Variants in MORF4L1 observed in about 807,000 individuals in gnomAD.
The protein encoded by MORF4L1 is mortality factor 4 like 1, also known as mortality factor 4-like protein 1.
Under a neutral mutation model 52.9 loss-of-function variants are expected in MORF4L1, and 4 were observed. The observed-to-expected ratio is 0.08, with a 90% CI of 0.04 to 0.17. MORF4L1 has a LOEUF of 0.17. Among genes scored for constraint, MORF4L1 ranks in the 10% least tolerant of loss-of-function variants. The pLI is 1.00. For synonymous variants in MORF4L1, 123 were observed against 134.8 expected (o/e 0.91, Z 0.61); for missense variants, 214 against 390.4 (o/e 0.55, Z 3.81).
At chr15:78,882,071 T>A (rs1230968826) in intron 3 of MORF4L1, among the ~76,000 whole-genome samples, 1 of 152,230 alleles carries the variant, frequency 6.6e-6, no homozygotes, top group African/African-American at 2.4e-5. Context: ...TTACTTCCAT[T>A]AATATAAATG....
intron 2 of MORF4L1, among the ~76,000 whole-genome samples, chr15:78,879,649 C>A (rs957353522): frequency 1.3e-5 from 2 of 152,006 alleles, no homozygotes; most frequent in Non-Finnish European, 2.9e-5. Flanking sequence ...TAAATTACGA[C>A]TCATGGCCAG....
chr15:78,891,511 C>G lies in MORF4L1; in HGVS notation c.377C>G (p.Thr126Ser). 1.9e-6 allele frequency: 3 copies of G among 1,614,056 alleles called. No homozygotes were observed. The highest frequency in any genetic ancestry group is 1.7e-6 in the Non-Finnish European group (2 of 1,179,972). The change falls in exon 7 of 12, where the codon ACC becomes AGC. Residue 126 changes from threonine to serine, a missense_variant. Physicochemically the swap from Thr to Ser is moderately conservative, Grantham distance 58. Coordinates refer to ENST00000426013, the MANE Select transcript of MORF4L1 (RefSeq NM_006791.4). ...KTPGNGDGGSTSETPQPPRKK... is the reference protein window; with the variant it reads ...KTPGNGDGGSSSETPQPPRKK... Reference sequence around the variant, plus strand: ...CCTGGAAATGGAGATGGTGGCAGTACCAGTGAGACCCCTCAGCCTCCTCGG... The same window carrying G: ...CCTGGAAATGGAGATGGTGGCAGTAGCAGTGAGACCCCTCAGCCTCCTCGG...
intron 3 of MORF4L1, 21 bp downstream of exon 3, chr15:78,880,600 T>A (rs2056583631): frequency 1.3e-6 from 2 of 1,516,364 alleles, no homozygotes; most frequent in East Asian, 4.6e-5. Flanking sequence ...GATCTTACAA[T>A]TCTATTTGTA....
At chr15:78,879,599 A>G (rs118145692) in intron 2 of MORF4L1, among the ~76,000 whole-genome samples, 2,217 of 152,250 alleles carry the variant, frequency 0.015, 29 homozygotes, top group Non-Finnish European at 0.023. Context: ...AAGTATATGT[A>G]TACGTACATA....
At chr15:78,887,975 C>G (rs1333201396) in intron 5 of MORF4L1, among the ~76,000 whole-genome samples, 2 of 152,194 alleles carry the variant, frequency 1.3e-5, no homozygotes, top group Non-Finnish European at 2.9e-5. Context: ...GATGGAGTTT[C>G]ACCATGTTGG....
chr15:78,881,964 T>C (rs1245281448), intron 3 of MORF4L1, among the ~76,000 whole-genome samples: 3 of 152,218 alleles, frequency 2.0e-5, no homozygotes, highest in African/African-American at 7.2e-5. Context: ...TTTCATCTAG[T>C]ACTCTATCCA....
At chr15:78,887,746 A>C (rs2056730914) in intron 5 of MORF4L1, among the ~76,000 whole-genome samples, 1 of 152,202 alleles carries the variant, frequency 6.6e-6, no homozygotes, top group Non-Finnish European at 1.5e-5. Flanking sequence ...TAAGGTTTCA[A>C]ATAACTGCCC....
chr15:78,896,790 A>G (rs551738668), intron 11 of MORF4L1, among the ~76,000 whole-genome samples, 193 bp from the exon 12 acceptor site: 108 of 152,304 alleles, frequency 7.1e-4, no homozygotes, highest in Non-Finnish European at 1.1e-3. Context: ...TTGTATATGT[A>G]TAGTGTTGTT....
At chr15:78,885,825 C>G (rs1343190399) in intron 3 of MORF4L1, among the ~76,000 whole-genome samples, 1 of 152,120 alleles carries the variant, frequency 6.6e-6, no homozygotes, top group African/African-American at 2.4e-5. Context: ...CAATAAAAGT[C>G]TTTAAGATAA....
chr15:78,873,360 A>G (rs891677018), intron 1 of MORF4L1: 17 of 538,306 alleles, frequency 3.2e-5, no homozygotes, highest in Non-Finnish European at 1.0e-5. Context: ...AGAGCAGCCT[A>G]TTGTAGGGAG....
At chr15:78,881,085 T>G (rs1221027245) in intron 3 of MORF4L1, among the ~76,000 whole-genome samples, 2 of 152,060 alleles carry the variant, frequency 1.3e-5, no homozygotes, top group African/African-American at 4.8e-5. Context: ...GAAACATTAT[T>G]TAGTGTTGAC....
At chr15:78,893,363 G>A (rs2056832528) in intron 8 of MORF4L1, among the ~76,000 whole-genome samples, 176 bp from the exon 9 acceptor site, 1 of 152,208 alleles carries the variant, frequency 6.6e-6, no homozygotes, top group Non-Finnish European at 1.5e-5. Flanking sequence ...ACCATTGTAA[G>A]TTGGGAACTG....
intron 3 of MORF4L1, among the ~76,000 whole-genome samples, chr15:78,884,661 ACACACACACACAC>A (rs2056666524): frequency 1.2e-4 from 4 of 33,794 alleles, no homozygotes; most frequent in Admixed American, 3.9e-4. Flanking sequence ...AAAAAAAAAT[ACACACACACACAC>A]ACACACACAC....
At position 78,878,166 on chromosome 15, in the gene MORF4L1, T is replaced by C. The variant is rs769881640; in HGVS notation, c.41-47T>C. 2.6e-6 allele frequency: 4 copies of C among 1,566,002 alleles called. No homozygotes were observed. In the South Asian group the frequency reaches 4.7e-5, roughly 18 times the overall value. On this transcript the variant is annotated intron_variant, in intron 1 of 11. Transcript: ENST00000426013. ...TGACTCTCTAAGATGTTAATCTTTTTATATATGAGAAGAAATTACAATTCA... is the reference window on the plus strand; with the variant it reads ...TGACTCTCTAAGATGTTAATCTTTTCATATATGAGAAGAAATTACAATTCA...
At chr15:78,887,062 A>G (rs1217461218) in intron 4 of MORF4L1, among the ~76,000 whole-genome samples, 1 of 152,124 alleles carries the variant, frequency 6.6e-6, no homozygotes, top group African/African-American at 2.4e-5. Context: ...ACAGTCTATT[A>G]CAGTCACTTT....
At chr15:78,896,308 C>CTTTTTTTTTTTTTTTT (rs71148578) in intron 11 of MORF4L1, among the ~76,000 whole-genome samples, 21 of 81,438 alleles carry the variant, frequency 2.6e-4, no homozygotes, top group South Asian at 4.6e-4. Flanking sequence ...CTTTTCTTTT[C>CTTTTTTTTTTTTTTTT]TTTTTTTTTT....
At chr15:78,883,712 G>A (rs1212309954) in intron 3 of MORF4L1, among the ~76,000 whole-genome samples, 3 of 152,162 alleles carry the variant, frequency 2.0e-5, no homozygotes, top group Non-Finnish European at 4.4e-5. Context: ...AATGTCTTTG[G>A]TTGACTTGGC....
chr15:78,897,015 G>A lies in MORF4L1; in HGVS notation c.920G>A (p.Ser307Asn). Reference protein sequence around the residue: ...YLAKNSATLFSASDYEVAPPE... With the variant: ...YLAKNSATLFNASDYEVAPPE... Reference sequence around the variant, plus strand: ...GCAAAGAATTCTGCAACTTTGTTCAGTGCCAGCGATTATGAAGTGGCTCCT... The same window carrying A: ...GCAAAGAATTCTGCAACTTTGTTCAATGCCAGCGATTATGAAGTGGCTCCT... Residue 307 changes from serine to asparagine, a missense_variant, in exon 12 of 12, where the codon AGT (serine) becomes AAT (asparagine). Ser to Asn is a conservative substitution (Grantham distance 46). This residue lies in a region of MORF4L1 where 30 missense variants were observed against 34.6 expected (regional missense o/e 0.87). Transcript: ENST00000426013. 6.2e-7 allele frequency: 1 copy of A among 1,613,032 alleles called. No homozygotes were observed.
At chr15:78,880,487 T>A in intron 2 of MORF4L1, 25 bp from the exon 3 acceptor site, 1 of 1,550,570 alleles carries the variant, frequency 6.4e-7, no homozygotes, top group East Asian at 2.3e-5. Context: ...TCTAAGTGAA[T>A]TATTATTTTT....
Sources: gnomAD v4.1 joint callset for allele counts (sites outside exome capture counted in the v4.1 genomes callset) on GRCh38, gnomAD v4.1.1 for gene constraint, gnomAD v4.1.1 regional missense constraint, MANE v1.5 for transcripts, NCBI Gene and HGNC (gene_info 2026-07-23, HGNC 2026-07-21) for gene names.